SH3GL1: variants seen among roughly 807,000 people sequenced by gnomAD.
SH3GL1 encodes SH3 domain containing GRB2 like 1, endophilin A2.
A neutral mutation model predicts 48.8 loss-of-function variants in SH3GL1; 21 were observed. That is an observed-to-expected ratio of 0.43 (90% confidence interval 0.30 to 0.62). The LOEUF (loss-of-function observed/expected upper bound fraction) is 0.62, where lower values mean the gene tolerates loss of function less well. SH3GL1 is among the 20% of genes least tolerant of loss of function. The pLI is 0.11. For missense variants in SH3GL1, 454 were observed against 503.0 expected (o/e 0.90, Z 0.93); for synonymous variants, 282 against 217.5 (o/e 1.30, Z -2.61).
rs1363366446 is a variant in SH3GL1, at chr19:4,363,109, T to TC, written c.728+260dup. Among the ~76,000 whole-genome samples, 6 of 152,208 alleles carry TC rather than the reference T, an allele frequency of 3.9e-5. No homozygotes were observed. The East Asian group carries it at 1.2e-3, about 29-fold the overall frequency. On this transcript the variant is annotated intron_variant, in intron 7 of 9. Transcript: ENST00000269886. ...CATTCAGGGAGGGGAGCCTGGGTGT[T>TC]CCTGTGGCAGCAGCAACGTGCAGCC...
intron 1 of SH3GL1, among the ~76,000 whole-genome samples, chr19:4,397,059 C>G (rs140324130): frequency 6.6e-6 from 1 of 152,238 alleles, no homozygotes; most frequent in African/African-American, 2.4e-5. Context: ...AGAGATGTCA[C>G]TTTCCAACAG....
At chr19:4,364,903 TA>T (rs1387523772) in intron 4 of SH3GL1, among the ~76,000 whole-genome samples, 3 of 106,580 alleles carry the variant, frequency 2.8e-5, no homozygotes, top group African/African-American at 1.2e-4. Context: ...TGTGTGTATA[TA>T]TATATATATA....
intron 9 of SH3GL1, among the ~76,000 whole-genome samples, chr19:4,362,050 G>A (rs1288620547): frequency 6.6e-6 from 1 of 152,234 alleles, no homozygotes; most frequent in Non-Finnish European, 1.5e-5. Context: ...CGGTGCTGCT[G>A]CGGTGACAGG....
intron 1 of SH3GL1, among the ~76,000 whole-genome samples, chr19:4,399,487 G>A (rs929706304): frequency 1.4e-4 from 21 of 151,996 alleles, no homozygotes; most frequent in Non-Finnish European, 5.9e-5. Flanking sequence ...AACGAAGGGA[G>A]GGAAGGAGGA....
intron 1 of SH3GL1, among the ~76,000 whole-genome samples, chr19:4,398,452 G>A (rs543740220): frequency 3.0e-4 from 45 of 151,136 alleles, no homozygotes; most frequent in African/African-American, 1.0e-3. Flanking sequence ...GTGCAATCTC[G>A]GCTCACTGCA....
chr19:4,364,636 G>A (rs544395936), intron 4 of SH3GL1: 144 of 195,392 alleles, frequency 7.4e-4, no homozygotes, highest in Non-Finnish European at 1.2e-3. Flanking sequence ...TCACCATATA[G>A]ACCACACCGG....
chr19:4,360,798 T>TGGGGTG lies in SH3GL1; in HGVS notation c.*796_*801dup. On this transcript the variant is annotated 3_prime_UTR_variant, in exon 10 of 10. Transcript: ENST00000269886. ...GGCTGTGGTCCCGTGTGAGGTGTGC[T>TGGGGTG]GGGGTGGGTGTGGGTGGCTGGTGGT... 1 of 233,756 alleles carries TGGGGTG rather than the reference T, an allele frequency of 4.3e-6. No individual in the cohort carries two copies. The highest frequency in any genetic ancestry group is 8.4e-6 in the Non-Finnish European group (1 of 118,434). The allele number at this position is 233,756 out of a possible 1,614,324, so 14.5% of individuals were successfully genotyped here. A position where few individuals can be genotyped will look rare whatever the true frequency, so the allele number is the denominator to read the frequency against.
intron 1 of SH3GL1, among the ~76,000 whole-genome samples, chr19:4,391,469 TCAGAGA>T (rs1386464423): frequency 2.0e-5 from 3 of 152,180 alleles, no homozygotes; most frequent in African/African-American, 7.2e-5. Flanking sequence ...GGATTCTGAG[TCAGAGA>T]CAAACTTTTA....
chr19:4,397,517 G>C (rs184500204), intron 1 of SH3GL1, among the ~76,000 whole-genome samples: 7 of 152,312 alleles, frequency 4.6e-5, no homozygotes, highest in African/African-American at 1.4e-4. Context: ...CGCTGGGAGT[G>C]GGGGTGGTGG....
intron 1 of SH3GL1, among the ~76,000 whole-genome samples, chr19:4,394,294 G>A (rs1384033593): frequency 2.6e-5 from 4 of 152,234 alleles, no homozygotes; most frequent in South Asian, 2.1e-4. Flanking sequence ...GGGAACTTCT[G>A]AGAGCAGCTC....
At chr19:4,393,294 AAAC>A (rs1289016344) in intron 1 of SH3GL1, among the ~76,000 whole-genome samples, 3 of 142,696 alleles carry the variant, frequency 2.1e-5, no homozygotes, top group South Asian at 2.2e-4. Context: ...CAAAACAAAC[AAAC>A]AAAAAAAAAC....
rs555027912 is a variant in SH3GL1, at chr19:4,376,343, C to G, written c.46-9349G>C. Among the ~76,000 whole-genome samples, 1 of 152,186 alleles carries G rather than the reference C, an allele frequency of 6.6e-6. No individual in the cohort carries two copies. Among genetic ancestry groups the G allele is most frequent in the Non-Finnish European group, 1.5e-5 (1 of 68,020 alleles). On this transcript the variant is annotated intron_variant, in intron 1 of 9. Coordinates refer to ENST00000269886, the MANE Select transcript of SH3GL1 (RefSeq NM_003025.4). The surrounding 1 kb of genome is among the most constrained non-coding windows in gnomAD (Gnocchi z 4.3). ...AGACAGGTGAAGGCACATTCCTCAG[C>G]GCCCGCTCACAGCTCTGCCCACCGT... is the stretch of plus-strand genomic sequence containing the variant.
chr19:4,397,420 A>G (rs1416940662), intron 1 of SH3GL1, among the ~76,000 whole-genome samples: 2 of 152,196 alleles, frequency 1.3e-5, no homozygotes, highest in Admixed American at 1.3e-4. Flanking sequence ...CTTGAGAGAG[A>G]CAAAGTCCTG....
Position 4,361,489 on chromosome 19 carries a change from G to A in SH3GL1, c.*111C>T, listed in dbSNP as rs930755063. On this transcript the variant is annotated 3_prime_UTR_variant, in exon 10 of 10. Transcript: ENST00000269886. ...CCTCAAGGGCCGGGGCCCAGGTGGCGCCGGCAGGCTCAGACACCGCCCTGG... is the reference window on the plus strand; with the variant it reads ...CCTCAAGGGCCGGGGCCCAGGTGGCACCGGCAGGCTCAGACACCGCCCTGG... The A allele has an allele frequency of 1.9e-5, 15 of 806,066 alleles. No homozygotes were observed. In the African/African-American group the frequency reaches 1.9e-4, roughly 10 times the overall value. 49.9% of individuals were successfully genotyped at this position (806,066 alleles called of 1,614,324 possible). A position where few individuals can be genotyped will look rare whatever the true frequency, so the allele number is the denominator to read the frequency against.
chr19:4,398,158 T>C (rs989045543), intron 1 of SH3GL1, among the ~76,000 whole-genome samples: 6 of 151,958 alleles, frequency 3.9e-5, no homozygotes, highest in Admixed American at 6.5e-5. Context: ...TCCTTACTTT[T>C]TTCTTTCCAG....
chr19:4,360,826 C>T lies in SH3GL1; in HGVS notation c.*774G>A, dbSNP rs1972587101. On this transcript the variant is annotated 3_prime_UTR_variant, in exon 10 of 10. Transcript: ENST00000269886. ...GGTGGGTGTGGGTGGCTGGTGGTGG[C>T]AGCTTGTGCCAGAGTGACACAGGCC... is the stretch of plus-strand genomic sequence containing the variant. 1 of 233,932 alleles carries T rather than the reference C, an allele frequency of 4.3e-6. No individual in the cohort carries two copies. 14.5% of individuals were successfully genotyped at this position (233,932 alleles called of 1,614,324 possible). A position where few individuals can be genotyped will look rare whatever the true frequency, so the allele number is the denominator to read the frequency against.
intron 1 of SH3GL1, among the ~76,000 whole-genome samples, chr19:4,393,450 C>T (rs1312506365): frequency 5.9e-5 from 9 of 151,870 alleles, no homozygotes; most frequent in Non-Finnish European, 1.3e-4. Context: ...AAGGAGCCTC[C>T]AGCCTAGGCA....
rs759585653 is a variant in SH3GL1, at chr19:4,365,554, G to T, written c.259C>A (p.Pro87Thr). ...TCGCCCAGAAGCCCCTCCGACTGCG[G>T]GTAGCCGGGGTTCTTCACCTGGCCC... ...IRGQVKNPGY[P>T]QSEGLLGECM... Residue 87 changes from proline to threonine, a missense_variant, in exon 4 of 10, where the codon CCG becomes ACG. Physicochemically the swap from Pro to Thr is conservative, Grantham distance 38 (BLOSUM62 -1). Around this residue, in one of 2 missense-constraint regions of SH3GL1, gnomAD observed 176 missense variants for 256.2 expected, o/e 0.69. Coordinates refer to ENST00000269886, the MANE Select transcript of SH3GL1 (RefSeq NM_003025.4). 2 of 1,614,080 alleles carry T rather than the reference G, an allele frequency of 1.2e-6. No homozygotes were observed. Among genetic ancestry groups the T allele is most frequent in the Non-Finnish European group, 1.7e-6 (2 of 1,180,036 alleles).
intron 1 of SH3GL1, among the ~76,000 whole-genome samples, chr19:4,370,995 C>G (rs1972888934): frequency 6.6e-6 from 1 of 152,268 alleles, no homozygotes; most frequent in African/African-American, 2.4e-5. Flanking sequence ...GCACCCGCCA[C>G]CTGCATGCCG....
Sources: allele counts gnomAD v4.1 joint callset (sites outside exome capture counted in the v4.1 genomes callset), GRCh38; gene constraint gnomAD v4.1.1; regional missense constraint gnomAD v4.1.1; non-coding constraint Gnocchi (gnomAD v3.1); transcripts MANE v1.5; gene names NCBI Gene and HGNC (gene_info 2026-07-23, HGNC 2026-07-21).